The following FSIP2 variants were observed in gnomAD, a reference collection of about 807,000 sequenced individuals.
FSIP2 encodes the protein fibrous sheath interacting protein 2.
A neutral mutation model predicts 510.5 loss-of-function variants in FSIP2; 367 were observed. The observed-to-expected ratio is 0.72, with a 90% CI of 0.66 to 0.78. The LOEUF (loss-of-function observed/expected upper bound fraction) is 0.78, where lower values mean the gene tolerates loss of function less well. Among genes scored for constraint, FSIP2 ranks in the 30% least tolerant of loss-of-function variants. The probability of loss-of-function intolerance (pLI) is 0.00; values close to 1 mark genes in which losing one functional copy is unlikely to be tolerated. For missense variants in FSIP2, 7,594 were observed against 7,901.7 expected (o/e 0.96, Z 1.48); for synonymous variants, 2,601 against 2,732.2 (o/e 0.95, Z 1.50).
In FSIP2 at chr2:185,804,818, G is replaced by C. The variant is rs1433751448; in HGVS notation, c.15512G>C (p.Arg5171Pro). ...IIKEISEHEIRLSMAEDNAES... is the reference protein window; with the variant it reads ...IIKEISEHEIPLSMAEDNAES... ...AAAGAAATTTCTGAACATGAGATTCGACTTTCCATGGCAGAGGATAATGCA... is the reference window on the plus strand; with the variant it reads ...AAAGAAATTTCTGAACATGAGATTCCACTTTCCATGGCAGAGGATAATGCA... The change falls in exon 17 of 23, where the codon CGA becomes CCA. Residue 5171 changes from arginine (R) to proline (P), a missense_variant. Coordinates refer to ENST00000424728, the MANE Select transcript of FSIP2 (RefSeq NM_173651.4). 2.0e-6 allele frequency: 3 copies of C among 1,532,728 alleles called. No individual in the cohort carries two copies. The Admixed American group carries it at 5.9e-5, about 30-fold the overall frequency. 94.9% of individuals were successfully genotyped at this position (1,532,728 alleles called of 1,614,324 possible). A position where few individuals can be genotyped will look rare whatever the true frequency, so the allele number is the denominator to read the frequency against.
At chr2:185,744,039 A>C (rs184717208) in intron 3 of FSIP2, among the ~76,000 whole-genome samples, 153 of 151,892 alleles carry the variant, frequency 1.0e-3, no homozygotes, top group African/African-American at 3.5e-3. Flanking sequence ...TATGTTGCCC[A>C]GGCTCATCTC....
Position 185,746,689 on chromosome 2 carries a change from G to A in FSIP2, c.638G>A (p.Arg213Lys). The A allele has an allele frequency of 1.3e-6, 2 of 1,519,666 alleles. No homozygotes were observed. Among genetic ancestry groups the A allele is most frequent in the Non-Finnish European group, 1.8e-6 (2 of 1,140,584 alleles). The allele number at this position is 1,519,666 out of a possible 1,614,324, so 94.1% of individuals were successfully genotyped here. A position where few individuals can be genotyped will look rare whatever the true frequency, so the allele number is the denominator to read the frequency against. The change falls in exon 6 of 23, where the codon AGA becomes AAA. Residue 213 changes from arginine to lysine, a missense_variant. By Grantham distance (26) the Arg-to-Lys change is conservative. Transcript: ENST00000424728. ...CTCAGATATTTGGATATGATAAGTA[G>A]AAAACTAGAACAACTTGAACGCACA... The part of the protein sequence containing the change: ...MRHRYLDMIS[R>K]KLEQLERTAE...
At chr2:185,815,803 T>C (rs1693814911) in intron 19 of FSIP2, among the ~76,000 whole-genome samples, 1 of 152,074 alleles carries the variant, frequency 6.6e-6, no homozygotes, top group African/African-American at 2.4e-5. Context: ...GCAGTATCAG[T>C]ACAAAAGTGT....
chr2:185,755,491 T>G (rs1345412318), intron 8 of FSIP2, among the ~76,000 whole-genome samples: 1 of 151,714 alleles, frequency 6.6e-6, no homozygotes, highest in East Asian at 1.9e-4. Flanking sequence ...AGTATGAAAA[T>G]GAGTTTAATT....
At chr2:185,828,939 A>C (rs1694061779) in intron 21 of FSIP2, among the ~76,000 whole-genome samples, 1 of 151,868 alleles carries the variant, frequency 6.6e-6, no homozygotes, top group African/African-American at 2.4e-5. Context: ...CAACTTTTAA[A>C]ATCTTATAAC....
chr2:185,822,456 T>TA (rs772745185), intron 19 of FSIP2, among the ~76,000 whole-genome samples: 3 of 152,026 alleles, frequency 2.0e-5, no homozygotes, highest in South Asian at 4.1e-4. Context: ...AAAATCCACT[T>TA]ACATTAATAA....
At position 185,803,229 on chromosome 2, in the gene FSIP2, T is replaced by A; in HGVS notation, c.13923T>A (p.Ile4641=). Residue 4641 remains isoleucine (I), a synonymous_variant, in exon 17 of 23, where the codon ATT becomes ATA. Transcript: ENST00000424728. ...AAATATTCCACAGGGTAGTAGGCAT[T>A]GTACAAACAAAATCCATAAGAGATT... The part of the protein sequence containing the change: ...LRKIFHRVVG[I]VQTKSIRDSE... The A allele has an allele frequency of 6.5e-7, 1 of 1,529,348 alleles. No homozygotes were observed. Among genetic ancestry groups the A allele is most frequent in the Non-Finnish European group, 8.7e-7 (1 of 1,143,936 alleles). 94.7% of individuals were successfully genotyped at this position (1,529,348 alleles called of 1,614,324 possible). A position where few individuals can be genotyped will look rare whatever the true frequency, so the allele number is the denominator to read the frequency against.
intron 20 of FSIP2, 52 bp downstream of exon 20, chr2:185,824,532 T>G (rs772070142): frequency 1.2e-5 from 11 of 884,308 alleles, no homozygotes; most frequent in South Asian, 1.7e-5. Flanking sequence ...CTTTGATGTG[T>G]TTTTTTTTTA....
intron 19 of FSIP2, among the ~76,000 whole-genome samples, chr2:185,818,508 C>A (rs1173806648): frequency 6.6e-6 from 1 of 151,770 alleles, no homozygotes; most frequent in African/African-American, 2.4e-5. Flanking sequence ...ACAAAAATAT[C>A]ATATCAAGAC....
rs369752394 is a variant in FSIP2, at chr2:185,805,581, C to T, written c.16275C>T (p.Asn5425=). 3.1e-6 allele frequency: 5 copies of T among 1,609,360 alleles called. No individual in the cohort carries two copies. In the African/African-American group the frequency reaches 6.7e-5, roughly 22 times the overall value. Reference sequence around the variant, plus strand: ...AAAGGGTTCAACACCTACCACAAAACACCTTTACACAAATAAGCAGATGTG... The same window carrying T: ...AAAGGGTTCAACACCTACCACAAAATACCTTTACACAAATAAGCAGATGTG... ...ITQRVQHLPQ[N]TFTQISRCAK... Residue 5425 remains asparagine, a synonymous_variant, in exon 17 of 23, where the codon AAC becomes AAT. Coordinates refer to ENST00000424728, the MANE Select transcript of FSIP2 (RefSeq NM_173651.4).
intron 21 of FSIP2, among the ~76,000 whole-genome samples, chr2:185,829,766 C>T (rs1365486970): frequency 6.6e-6 from 1 of 151,902 alleles, no homozygotes; most frequent in African/African-American, 2.4e-5. Flanking sequence ...TGTCACTTTA[C>T]TCTTAGTGGT....
At position 185,813,632 on chromosome 2, in the gene FSIP2, C is replaced by A. The variant is rs1242755759; in HGVS notation, c.19915C>A (p.Leu6639Ile). Residue 6639 changes from leucine (L) to isoleucine (I), a missense_variant, in exon 18 of 23, where the codon CTT (leucine) becomes ATT (isoleucine). Leu to Ile is a conservative substitution (Grantham distance 5). Transcript: ENST00000424728. Reference sequence around the variant, plus strand: ...AAAAGATGTTCAAAGTAAAAATGATCTTATTGTTCGATTAGTAGCTCATGA... The same window carrying A: ...AAAAGATGTTCAAAGTAAAAATGATATTATTGTTCGATTAGTAGCTCATGA... ...LLKDVQSKND[L>I]IVRLVAHDID... is the part of the protein sequence containing the mutation. The A allele has an allele frequency of 6.3e-7, 1 of 1,595,388 alleles. No homozygotes were observed. Among genetic ancestry groups the A allele is most frequent in the Admixed American group, 1.7e-5 (1 of 57,538 alleles).
At chr2:185,745,813 A>G (rs1426002301) in intron 5 of FSIP2, among the ~76,000 whole-genome samples, 2 of 152,180 alleles carry the variant, frequency 1.3e-5, no homozygotes, top group African/African-American at 4.8e-5. Flanking sequence ...AAATCTTTCT[A>G]TATTAGAATA....
intron 7 of FSIP2, among the ~76,000 whole-genome samples, chr2:185,752,710 A>G (rs746717850): frequency 6.6e-6 from 1 of 151,198 alleles, no homozygotes; most frequent in Non-Finnish European, 1.5e-5. Flanking sequence ...CTTTGTTTAT[A>G]TACAAATTGC....
In FSIP2 at chr2:185,792,537, T is replaced by C; in HGVS notation, c.5401T>C (p.Ser1801Pro). Residue 1801 changes from serine (S) to proline (P), a missense_variant, in exon 16 of 23, where the codon TCT (serine) becomes CCT (proline). By Grantham distance (74) the Ser-to-Pro change is moderately conservative. Transcript: ENST00000424728. The part of the protein sequence containing the change: ...STLINQLNVL[S>P]LSHSNFNGMP... Reference sequence around the variant, plus strand: ...TTTAATCAATCAATTAAATGTCCTTTCTCTCTCCCACTCTAATTTTAATGG... The same window carrying C: ...TTTAATCAATCAATTAAATGTCCTTCCTCTCTCCCACTCTAATTTTAATGG... The C allele has an allele frequency of 6.5e-7, 1 of 1,531,218 alleles. No individual in the cohort carries two copies. The highest frequency in any genetic ancestry group is 8.7e-7 in the Non-Finnish European group (1 of 1,143,238). The allele number at this position is 1,531,218 out of a possible 1,614,324, so 94.9% of individuals were successfully genotyped here. A position where few individuals can be genotyped will look rare whatever the true frequency, so the allele number is the denominator to read the frequency against.
chr2:185,802,701 A>C lies in FSIP2; in HGVS notation c.13395A>C (p.Pro4465=). The change falls in exon 17 of 23, where the codon CCA becomes CCC. Residue 4465 remains proline, a synonymous_variant. Coordinates refer to ENST00000424728, the MANE Select transcript of FSIP2 (RefSeq NM_173651.4). The part of the protein sequence containing the change: ...QSVPLYNTLL[P]YTFLEDMIRV... ...TACCTCTATATAACACCTTGCTGCC[A>C]TACACATTTTTAGAAGATATGATCA... 1 of 1,526,592 alleles carries C rather than the reference A, an allele frequency of 6.6e-7. No individual in the cohort carries two copies. The highest frequency in any genetic ancestry group is 2.0e-5 in the Admixed American group (1 of 49,250). The allele number at this position is 1,526,592 out of a possible 1,614,324, so 94.6% of individuals were successfully genotyped here.
At position 185,807,552 on chromosome 2, in the gene FSIP2, A is replaced by G. The variant is rs1324940885; in HGVS notation, c.18246A>G (p.Gln6082=). 5.0e-6 allele frequency: 8 copies of G among 1,611,620 alleles called. No homozygotes were observed. In the South Asian group the frequency reaches 6.6e-5, roughly 13 times the overall value. ...AATCTGATGATGATGAAATTATTCA[A>G]TTAGTGGTTCAGTCTGTTTATAATA... ...TLQSDDDEII[Q]LVVQSVYNNL... is the part of the protein sequence containing the mutation. The change falls in exon 17 of 23, where the codon CAA becomes CAG. Residue 6082 remains glutamine, a synonymous_variant. Transcript: ENST00000424728.
intron 12 of FSIP2, 91 bp from the exon 13 acceptor site, chr2:185,764,411 C>A: frequency 1.6e-6 from 1 of 637,030 alleles, no homozygotes; most frequent in East Asian, 3.0e-5. Context: ...TCTTAAATTT[C>A]TGTACTATAA....
Position 185,794,850 on chromosome 2 carries a change from G to T in FSIP2, c.7714G>T (p.Asp2572Tyr). ...NKSRTEVEIS[D>Y]HNDSLLMKPL... ...AAGTAGGACAGAAGTTGAAATATCTGACCACAATGATTCCTTACTAATGAA... is the reference window on the plus strand; with the variant it reads ...AAGTAGGACAGAAGTTGAAATATCTTACCACAATGATTCCTTACTAATGAA... Residue 2572 changes from aspartate to tyrosine, a missense_variant, in exon 16 of 23, where the codon GAC becomes TAC. Transcript: ENST00000424728. 1 of 1,532,080 alleles carries T rather than the reference G, an allele frequency of 6.5e-7. No homozygotes were observed. The highest frequency in any genetic ancestry group is 1.2e-5 in the South Asian group (1 of 83,662). 94.9% of individuals were successfully genotyped at this position (1,532,080 alleles called of 1,614,324 possible).
Sources: gnomAD v4.1 joint callset for allele counts (sites outside exome capture counted in the v4.1 genomes callset) on GRCh38, gnomAD v4.1.1 for gene constraint, MANE v1.5 for transcripts, NCBI Gene and HGNC (gene_info 2026-07-23, HGNC 2026-07-21) for gene names.